The following SPON2 variants were observed in gnomAD, a reference collection of about 807,000 sequenced individuals.
SPON2 encodes spondin 2.
In SPON2, 32 loss-of-function variants were observed where a neutral mutation model predicts 29.9. The ratio of observed to expected loss-of-function variants is 1.07; its 90% CI spans 0.81 to 1.44. The LOEUF is 1.44. SPON2 is among the 40% of genes most tolerant of loss of function. SPON2 has a pLI of 0.00. For synonymous variants in SPON2, 248 were observed against 209.1 expected (o/e 1.19, Z -1.61); for missense variants, 541 against 455.5 (o/e 1.19, Z -1.71).
intron 1 of SPON2, among the ~76,000 whole-genome samples, chr4:1,186,096 T>A (rs1222623058): frequency 1.3e-5 from 2 of 149,504 alleles, no homozygotes; most frequent in Admixed American, 6.7e-5. Context: ...TACAAAAAAT[T>A]AGCCGGGCGT....
chr4:1,207,277 G>A (rs1728365548), intron 1 of SPON2, among the ~76,000 whole-genome samples: 1 of 152,134 alleles, frequency 6.6e-6, no homozygotes, highest in African/African-American at 2.4e-5. Flanking sequence ...AGGGATGTGG[G>A]TGAGTCCGGC....
chr4:1,176,252 T>C (rs962099733), upstream of SPON2, among the ~76,000 whole-genome samples: 1 of 152,120 alleles, frequency 6.6e-6, no homozygotes, highest in Non-Finnish European at 1.5e-5. Flanking sequence ...TGCCTTCTGC[T>C]GAGGGTCACA....
At chr4:1,194,202 G>A (rs144744885) in intron 1 of SPON2, among the ~76,000 whole-genome samples, 3,923 of 152,236 alleles carry the variant, frequency 0.026, 63 homozygotes, top group Non-Finnish European at 0.039. Flanking sequence ...GCCCCACGAC[G>A]GCAAATGGGC....
chr4:1,195,351 G>A (rs73188267), upstream of SPON2, among the ~76,000 whole-genome samples: 48,866 of 152,036 alleles, frequency 0.32, 9,330 homozygotes, highest in Non-Finnish European at 0.42. Flanking sequence ...CAACAGGACC[G>A]GCCCCCTGGC....
chr4:1,193,049 CCA>C lies in SPON2; in HGVS notation c.-239+1939_-239+1940del, dbSNP rs937725120. ...ACACATATGTGGACATGCATGCATG[CCA>C]CACACACGTGCACACACTTGTATAC... On this transcript the variant is annotated intron_variant, in intron 1 of 3. Transcript: ENST00000502483. 4.6e-5 allele frequency among the ~76,000 whole-genome samples: 7 copies of C among 152,252 alleles called. No homozygotes were observed. In the South Asian group the frequency reaches 1.2e-3, roughly 27 times the overall value.
chr4:1,177,519 G>A (rs748077464), upstream of SPON2, among the ~76,000 whole-genome samples: 10 of 152,044 alleles, frequency 6.6e-5, no homozygotes, highest in Non-Finnish European at 1.3e-4. Flanking sequence ...TTTGTGAGCC[G>A]CGTGGAGCAG....
At chr4:1,196,874 A>T (rs942133121), upstream of SPON2, 5 of 152,296 alleles carry the variant, frequency 3.3e-5, no homozygotes, top group African/African-American at 1.2e-4. Flanking sequence ...GAAGCCAGTC[A>T]CTGCCTCTGA....
At position 1,167,414 on chromosome 4, in the gene SPON2, C is replaced by T. The variant is rs1015536031; in HGVS notation, c.*58G>A. On this transcript the variant is annotated 3_prime_UTR_variant, in exon 6 of 6. Transcript: ENST00000290902. ...CGGCCGCCTGCAGCATGAGCCTGCA[C>T]AGGAGCCCCCGACACCCCATGGCTC... 1.8e-5 allele frequency: 28 copies of T among 1,549,706 alleles called. No individual in the cohort carries two copies. The Admixed American group carries it at 2.9e-4, about 16-fold the overall frequency.
At chr4:1,205,188 T>A (rs561164377) in intron 1 of SPON2, 1 of 152,388 alleles carries the variant, frequency 6.6e-6, no homozygotes, top group African/African-American at 2.4e-5. Context: ...GACCAGACTT[T>A]GCACAGGGCA....
chr4:1,203,932 G>T (rs183596986), intron 1 of SPON2, among the ~76,000 whole-genome samples: 1 of 151,968 alleles, frequency 6.6e-6, no homozygotes, highest in African/African-American at 2.4e-5. Flanking sequence ...GTGCAGTGGC[G>T]CGATCTCAGC....
upstream of SPON2, among the ~76,000 whole-genome samples, chr4:1,174,640 TA>T (rs1330350761): frequency 6.6e-6 from 1 of 152,210 alleles, no homozygotes; most frequent in East Asian, 1.9e-4. Flanking sequence ...CCAATTCACT[TA>T]AAAATAAGAA....
upstream of SPON2, among the ~76,000 whole-genome samples, chr4:1,195,894 A>T (rs1350373258): frequency 6.6e-6 from 1 of 152,052 alleles, no homozygotes; most frequent in African/African-American, 2.4e-5. Flanking sequence ...TCAGCCTCCC[A>T]TGGTGCTGGG....
At chr4:1,177,846 G>A (rs1053175305), upstream of SPON2, among the ~76,000 whole-genome samples, 20 of 152,102 alleles carry the variant, frequency 1.3e-4, no homozygotes, top group East Asian at 1.2e-3. Context: ...ACTCAGACGC[G>A]GAGTACCCAC....
Position 1,171,887 on chromosome 4 carries a change from A to T in SPON2, c.185T>A (p.Leu62Gln), listed in dbSNP as rs1487177782. The change falls in exon 2 of 6, where the codon CTG (leucine) becomes CAG (glutamine). Residue 62 changes from leucine to glutamine, a missense_variant. By Grantham distance (113) the Leu-to-Gln change is moderately radical. Coordinates refer to ENST00000290902, the MANE Select transcript of SPON2 (RefSeq NM_012445.4). ...AGACCACTGCGCAGGGGGGCGGAAC[A>T]GGGGGTACTGCTTGGGGAAGGCCGT... Reference protein sequence around the residue: ...SQTAFPKQYPLFRPPAQWSSL... With the variant: ...SQTAFPKQYPQFRPPAQWSSL... 6.2e-7 allele frequency: 1 copy of T among 1,612,832 alleles called. No homozygotes were observed. The highest frequency in any genetic ancestry group is 2.2e-5 in the East Asian group (1 of 44,876).
intron 1 of SPON2, among the ~76,000 whole-genome samples, chr4:1,184,566 A>T (rs1208767757): frequency 6.6e-6 from 1 of 152,230 alleles, no homozygotes; most frequent in Non-Finnish European, 1.5e-5. Context: ...TCCTGATTTC[A>T]AAATCTCCTA....
At chr4:1,192,891 G>A (rs1225563564) in intron 1 of SPON2, among the ~76,000 whole-genome samples, 1 of 152,222 alleles carries the variant, frequency 6.6e-6, no homozygotes, top group Non-Finnish European at 1.5e-5. Context: ...AAGGCCGAGT[G>A]GAAGGAGGTG....
intron 1 of SPON2, among the ~76,000 whole-genome samples, chr4:1,193,451 G>T (rs961316903): frequency 1.3e-5 from 2 of 151,466 alleles, no homozygotes; most frequent in Non-Finnish European, 2.9e-5. Context: ...TGGGGAGGAG[G>T]AATAGGAGTG....
At chr4:1,189,564 A>C (rs552282727) in intron 1 of SPON2, among the ~76,000 whole-genome samples, 1,912 of 139,682 alleles carry the variant, frequency 0.014, 24 homozygotes, top group Non-Finnish European at 0.019. Context: ...TGAGCCCAGG[A>C]GGTCGAGGCT....
At chr4:1,207,458 G>T (rs1467602333) in intron 1 of SPON2, among the ~76,000 whole-genome samples, 2 of 152,196 alleles carry the variant, frequency 1.3e-5, no homozygotes, top group South Asian at 4.1e-4. Flanking sequence ...GACCAACGGG[G>T]TCAGTAGCTG....
Sources: allele counts gnomAD v4.1 joint callset (sites outside exome capture counted in the v4.1 genomes callset), GRCh38; gene constraint gnomAD v4.1.1; transcripts MANE v1.5; gene names NCBI Gene and HGNC (gene_info 2026-07-23, HGNC 2026-07-21).